The following IGF2BP2 variants were observed in gnomAD, a reference collection of about 807,000 sequenced individuals.
The protein encoded by IGF2BP2 is insulin-like growth factor 2 mRNA-binding protein 2.
Under a neutral mutation model 75.8 loss-of-function variants are expected in IGF2BP2, and 17 were observed. The ratio of observed to expected loss-of-function variants is 0.22; its 90% CI spans 0.15 to 0.34. IGF2BP2 has a LOEUF of 0.34. Among genes scored for constraint, IGF2BP2 ranks in the 10% least tolerant of loss-of-function variants. The probability of loss-of-function intolerance (pLI) is 1.00; values close to 1 mark genes in which losing one functional copy is unlikely to be tolerated. For missense variants in IGF2BP2, 516 were observed against 772.4 expected (o/e 0.67, Z 3.93); for synonymous variants, 288 against 295.6 (o/e 0.97, Z 0.26).
At chr3:185,765,726 T>C (rs1193719321) in intron 2 of IGF2BP2, among the ~76,000 whole-genome samples, 1 of 152,228 alleles carries the variant, frequency 6.6e-6, no homozygotes, top group South Asian at 2.1e-4. Context: ...TCATCTCCAG[T>C]GACTGATGTC....
intron 2 of IGF2BP2, among the ~76,000 whole-genome samples, chr3:185,792,724 C>CCACT (rs1736821540): frequency 6.6e-6 from 1 of 151,170 alleles, no homozygotes; most frequent in Non-Finnish European, 1.5e-5. Context: ...CGAGATCATG[C>CCACT]CACTGTACTC....
At chr3:185,762,286 C>T (rs1249369155) in intron 2 of IGF2BP2, among the ~76,000 whole-genome samples, 2 of 148,958 alleles carry the variant, frequency 1.3e-5, no homozygotes, top group Admixed American at 6.7e-5. Context: ...CTAGCACTTC[C>T]GGAGGCCAAG....
intron 2 of IGF2BP2, among the ~76,000 whole-genome samples, chr3:185,736,271 G>T (rs1374283197): frequency 1.3e-5 from 2 of 152,156 alleles, no homozygotes; most frequent in African/African-American, 4.8e-5. Flanking sequence ...GTGCCTTCCA[G>T]CTCCTTCCAA....
chr3:185,821,715 CAT>C (rs1741402966), intron 2 of IGF2BP2, among the ~76,000 whole-genome samples: 1 of 151,936 alleles, frequency 6.6e-6, no homozygotes, highest in African/African-American at 2.4e-5. Flanking sequence ...TTTATAGAAA[CAT>C]ACTGTATCAA....
At chr3:185,665,988 A>T (rs1717517392) in intron 10 of IGF2BP2, among the ~76,000 whole-genome samples, 1 of 145,152 alleles carries the variant, frequency 6.9e-6, no homozygotes. Context: ...ATAGATAGAT[A>T]GGTAGATAGG....
intron 9 of IGF2BP2, 138 bp downstream of exon 9, chr3:185,675,158 C>T: frequency 1.3e-6 from 1 of 776,624 alleles, no homozygotes; most frequent in Non-Finnish European, 2.0e-6. Flanking sequence ...AGTTGGTTTC[C>T]TGATTATTTT....
chr3:185,794,463 A>G (rs1294087323), intron 2 of IGF2BP2, among the ~76,000 whole-genome samples: 1 of 70,702 alleles, frequency 1.4e-5, no homozygotes, highest in Non-Finnish European at 2.9e-5. Flanking sequence ...TAACAGCCCA[A>G]TGGGGGATCA....
At chr3:185,660,711 C>T (rs972952587) in intron 10 of IGF2BP2, among the ~76,000 whole-genome samples, 1 of 152,158 alleles carries the variant, frequency 6.6e-6, no homozygotes, top group Non-Finnish European at 1.5e-5. Context: ...CTAAGGACCC[C>T]CTGGAAAGAA....
At chr3:185,733,071 G>A (rs1728404464) in intron 2 of IGF2BP2, among the ~76,000 whole-genome samples, 1 of 152,092 alleles carries the variant, frequency 6.6e-6, no homozygotes, top group African/African-American at 2.4e-5. Flanking sequence ...AGGAACTAGG[G>A]GAGGATACAA....
intron 9 of IGF2BP2, 146 bp downstream of exon 9, chr3:185,675,150 T>C: frequency 1.4e-6 from 1 of 698,944 alleles, no homozygotes; most frequent in African/African-American, 1.9e-5. Flanking sequence ...AATTTACTAG[T>C]TGGTTTCCTG....
At chr3:185,764,161 T>C (rs1028171835) in intron 2 of IGF2BP2, among the ~76,000 whole-genome samples, 1 of 139,222 alleles carries the variant, frequency 7.2e-6, no homozygotes, top group Non-Finnish European at 1.6e-5. Flanking sequence ...ATTATATAAG[T>C]AATTGGAAAG....
At chr3:185,766,338 C>T (rs1733051752) in intron 2 of IGF2BP2, among the ~76,000 whole-genome samples, 1 of 152,030 alleles carries the variant, frequency 6.6e-6, no homozygotes. Context: ...GTATAATGAT[C>T]TAGAACGTGG....
At position 185,774,174 on chromosome 3, in the gene IGF2BP2, A is replaced by C. The variant is rs893630198; in HGVS notation, c.239+48979T>G. Among the ~76,000 whole-genome samples, 2 of 152,148 alleles carry C rather than the reference A, an allele frequency of 1.3e-5. 1 individual carries two copies. Among genetic ancestry groups the C allele is most frequent in the Admixed American group, 1.3e-4 (2 of 15,278 alleles). ...TCCAGTTCATACAATTGAGGCGGGT[A>C]TGGACAGTCTAGAGCACAAGCAAGC... is the stretch of plus-strand genomic sequence containing the variant. On this transcript the variant is annotated intron_variant, in intron 2 of 15. Coordinates refer to ENST00000382199, the MANE Select transcript of IGF2BP2 (RefSeq NM_006548.6).
At chr3:185,748,167 G>A (rs1215194159) in intron 2 of IGF2BP2, among the ~76,000 whole-genome samples, 1 of 152,082 alleles carries the variant, frequency 6.6e-6, no homozygotes, top group Non-Finnish European at 1.5e-5. Context: ...GCCTCCCAAA[G>A]TGCTGGGATT....
intron 2 of IGF2BP2, among the ~76,000 whole-genome samples, chr3:185,798,417 G>A (rs899658529): frequency 6.6e-6 from 1 of 152,094 alleles, no homozygotes; most frequent in African/African-American, 2.4e-5. Flanking sequence ...TACAAATAGT[G>A]TTAATATTTA....
At chr3:185,703,221 C>T (rs970572160) in intron 2 of IGF2BP2, among the ~76,000 whole-genome samples, 4 of 152,298 alleles carry the variant, frequency 2.6e-5, no homozygotes, top group East Asian at 1.9e-4. Flanking sequence ...TTATAGTTGA[C>T]GGGTTCCAAG....
At chr3:185,722,229 C>G (rs1015522213) in intron 2 of IGF2BP2, 2 of 456,008 alleles carry the variant, frequency 4.4e-6, no homozygotes, top group Non-Finnish European at 8.8e-6. Context: ...CCACCATGCC[C>G]AGCCGCAAGT....
chr3:185,819,848 GTT>G (rs113851927), intron 2 of IGF2BP2, among the ~76,000 whole-genome samples: 2 of 151,534 alleles, frequency 1.3e-5, no homozygotes, highest in African/African-American at 4.8e-5. Flanking sequence ...GAGATTGGAT[GTT>G]TTTTTCTTCT....
intron 7 of IGF2BP2, among the ~76,000 whole-genome samples, chr3:185,677,044 G>GATGTATATTTATATATATATATAT (rs1553855666): frequency 8.4e-5 from 2 of 23,858 alleles, no homozygotes; most frequent in Non-Finnish European, 1.3e-4. Context: ...TATATATGGA[G>GATGTATATTTATATATATATATAT]ATATATATAT....
Sources: gnomAD v4.1 joint callset for allele counts (sites outside exome capture counted in the v4.1 genomes callset) on GRCh38, gnomAD v4.1.1 for gene constraint, MANE v1.5 for transcripts, NCBI Gene and HGNC (gene_info 2026-07-23, HGNC 2026-07-21) for gene names.